Variants in ARL6 observed in about 807,000 individuals in gnomAD.
ARL6 encodes ARF like GTPase 6.
A neutral mutation model predicts 27.1 loss-of-function variants in ARL6; 18 were observed. That is an observed-to-expected ratio of 0.66 (90% CI 0.46 to 0.98). The LOEUF is 0.98. Ranked by LOEUF, ARL6 falls within the 50% of genes least tolerant of loss-of-function variation. ARL6 has a pLI of 0.00. For missense variants in ARL6, 187 were observed against 214.9 expected (o/e 0.87, Z 0.81); for synonymous variants, 65 against 72.3 (o/e 0.90, Z 0.51).
chr3:97,796,500 C>G (rs1403570722), intron 7 of ARL6, among the ~76,000 whole-genome samples: 4 of 151,834 alleles, frequency 2.6e-5, no homozygotes, highest in African/African-American at 9.7e-5. Flanking sequence ...GGCCCAATAT[C>G]CAAATAATAG....
At chr3:97,772,601 T>C (rs541554191) in intron 2 of ARL6, among the ~76,000 whole-genome samples, 16 of 151,644 alleles carry the variant, frequency 1.1e-4, no homozygotes, top group Non-Finnish European at 2.2e-4. Flanking sequence ...CATCATTGGG[T>C]TATTTGAAGG....
chr3:97,792,127 A>G (rs1247842960), intron 7 of ARL6, among the ~76,000 whole-genome samples: 1 of 152,228 alleles, frequency 6.6e-6, no homozygotes, highest in Non-Finnish European at 1.5e-5. Flanking sequence ...ATAGAAGCAC[A>G]TTTAAATTTT....
intron 5 of ARL6, among the ~76,000 whole-genome samples, 183 bp downstream of exon 5, chr3:97,785,232 C>T (rs1406222398): frequency 2.0e-5 from 3 of 149,462 alleles, no homozygotes; most frequent in East Asian, 3.9e-4. Context: ...ATTTTGCATG[C>T]AATGTAAATG....
At chr3:97,782,872 T>C (rs979509053) in intron 4 of ARL6, among the ~76,000 whole-genome samples, 54 of 151,516 alleles carry the variant, frequency 3.6e-4, no homozygotes, top group African/African-American at 1.3e-3. Context: ...AATATGTACT[T>C]ACTATGTATA....
chr3:97,798,322 C>T lies in ARL6; in HGVS notation c.*273C>T, dbSNP rs1229202938. On this transcript the variant is annotated 3_prime_UTR_variant, in exon 8 of 8. Transcript: ENST00000463745. The stretch of plus-strand genomic sequence containing the variant: ...GATTGTACGTAGAATGTTTAAAAGT[C>T]AGTTATAAGCCATCTCATCCCATCA... The T allele has an allele frequency of 3.1e-6, 1 of 323,862 alleles. No homozygotes were observed. Among genetic ancestry groups the T allele is most frequent in the Non-Finnish European group, 5.7e-6 (1 of 175,356 alleles). The allele number at this position is 323,862 out of a possible 1,614,324, so 20.1% of individuals were successfully genotyped here.
chr3:97,779,476 C>A (rs1364178768), intron 2 of ARL6, among the ~76,000 whole-genome samples: 3 of 152,150 alleles, frequency 2.0e-5, no homozygotes, highest in Admixed American at 6.5e-5. Context: ...AAATTGTGTT[C>A]TATTTACATC....
intron 7 of ARL6, among the ~76,000 whole-genome samples, chr3:97,795,421 T>C (rs1368957859): frequency 6.6e-6 from 1 of 152,158 alleles, no homozygotes; most frequent in African/African-American, 2.4e-5. Context: ...ACTTACAAAC[T>C]ATGCAGGAGT....
At chr3:97,778,471 A>G (rs1000702402) in intron 2 of ARL6, among the ~76,000 whole-genome samples, 2 of 152,162 alleles carry the variant, frequency 1.3e-5, no homozygotes, top group African/African-American at 4.8e-5. Flanking sequence ...TTGAATTTAA[A>G]TTTCCCAGAA....
chr3:97,781,919 T>C (rs1206030649), intron 4 of ARL6, among the ~76,000 whole-genome samples: 1 of 152,050 alleles, frequency 6.6e-6, no homozygotes, highest in Admixed American at 6.6e-5. Context: ...TTCCTAATAA[T>C]GTGAGACCAA....
At chr3:97,765,752 G>A (rs1260601361) in intron 1 of ARL6, among the ~76,000 whole-genome samples, 2 of 152,308 alleles carry the variant, frequency 1.3e-5, no homozygotes, top group East Asian at 3.9e-4. Context: ...ATTTCAGAGT[G>A]CAGCCAGGGT....
intron 4 of ARL6, among the ~76,000 whole-genome samples, chr3:97,782,314 ATAG>A (rs889687522): frequency 6.6e-6 from 1 of 151,966 alleles, no homozygotes; most frequent in African/African-American, 2.4e-5. Flanking sequence ...TAGAGAGAAA[ATAG>A]TAGGAAAGTA....
chr3:97,798,166 T>G lies in ARL6; in HGVS notation c.*117T>G. 1 of 1,078,088 alleles carries G rather than the reference T, an allele frequency of 9.3e-7. No homozygotes were observed. Among genetic ancestry groups the G allele is most frequent in the Admixed American group, 1.8e-5 (1 of 54,420 alleles). The allele number at this position is 1,078,088 out of a possible 1,614,324, so 66.8% of individuals were successfully genotyped here. ...AAAAAATATAATTTTCTGCTTGCAT[T>G]TATGGACTCTGACCTTTTTAAGAAC... On this transcript the variant is annotated 3_prime_UTR_variant, in exon 8 of 8. Transcript: ENST00000463745.
chr3:97,775,935 G>GT (rs901037114), intron 2 of ARL6, among the ~76,000 whole-genome samples: 11 of 152,188 alleles, frequency 7.2e-5, no homozygotes, highest in African/African-American at 2.7e-4. Context: ...TTCCATAAAT[G>GT]TTTATTAGGT....
At chr3:97,768,422 A>G (rs1047386537) in intron 2 of ARL6, among the ~76,000 whole-genome samples, 192 bp downstream of exon 2, 5 of 152,060 alleles carry the variant, frequency 3.3e-5, no homozygotes, top group Non-Finnish European at 7.4e-5. Flanking sequence ...ATTAAACTGG[A>G]ATATTATTTT....
At chr3:97,767,283 C>T (rs767204285) in intron 1 of ARL6, among the ~76,000 whole-genome samples, 12 of 151,876 alleles carry the variant, frequency 7.9e-5, no homozygotes, top group South Asian at 2.1e-4. Context: ...TATACTAATA[C>T]GATAAAGTCC....
At chr3:97,792,063 C>A (rs2037767455) in intron 7 of ARL6, 2 of 462,446 alleles carry the variant, frequency 4.3e-6, no homozygotes, top group Non-Finnish European at 7.7e-6. Flanking sequence ...ATATATATGA[C>A]ACATATAGAA....
intron 5 of ARL6, among the ~76,000 whole-genome samples, chr3:97,787,558 T>A (rs2037517039): frequency 6.6e-6 from 1 of 152,162 alleles, no homozygotes; most frequent in Admixed American, 6.5e-5. Context: ...AAGGTAAAAA[T>A]ATCTTTTAAA....
intron 4 of ARL6, among the ~76,000 whole-genome samples, chr3:97,782,016 C>G (rs1488969672): frequency 6.6e-6 from 1 of 151,554 alleles, no homozygotes; most frequent in African/African-American, 2.4e-5. Context: ...AATTGAAGGC[C>G]TATTTAAATC....
rs7616614 is a variant in ARL6, at chr3:97,788,447, C to T, written c.479+328C>T. On this transcript the variant is annotated intron_variant, in intron 6 of 7. Transcript: ENST00000463745. The stretch of plus-strand genomic sequence containing the variant: ...GCACAGTCCCATCTAAGAGCATGTG[C>T]ACTTGTATCCCCCTCCTTTGAATCA... 0.42 allele frequency among the ~76,000 whole-genome samples: 63,318 copies of T among 151,936 alleles called. 14,200 individuals carry two copies. The highest frequency in any genetic ancestry group is 0.66 in the East Asian group (3,376 of 5,154).
Sources: allele counts gnomAD v4.1 joint callset (sites outside exome capture counted in the v4.1 genomes callset), GRCh38; gene constraint gnomAD v4.1.1; transcripts MANE v1.5; gene names NCBI Gene and HGNC (gene_info 2026-07-23, HGNC 2026-07-21).